The following TBX1 variants were observed in gnomAD, a reference collection of about 807,000 sequenced individuals.
The protein encoded by TBX1 is T-box transcription factor 1, also known as T-box transcription factor TBX1.
TBX1 carries 16 observed loss-of-function variants against 40.8 expected under a neutral mutation model. The observed-to-expected ratio is 0.39, with a 90% CI of 0.27 to 0.60. TBX1 has a LOEUF of 0.60. Ranked by LOEUF, TBX1 falls within the 20% of genes least tolerant of loss-of-function variation. TBX1 has a pLI of 0.51. For synonymous variants in TBX1, 403 were observed against 336.8 expected (o/e 1.20, Z -2.15); for missense variants, 755 against 728.5 (o/e 1.04, Z -0.42).
At chr22:19,774,526 C>T (rs941174565) in intron 8 of TBX1, among the ~76,000 whole-genome samples, 3 of 152,170 alleles carry the variant, frequency 2.0e-5, no homozygotes, top group Non-Finnish European at 4.4e-5. Context: ...CACCCATGTT[C>T]ATAGCAGCAT....
Position 19,766,451 on chromosome 22 carries a change from C to G in TBX1, c.1099C>G (p.Pro367Ala), listed in dbSNP as rs2145838185. ...DAGGPAVLGDPAHPPQLLARV... is the reference protein window; with the variant it reads ...DAGGPAVLGDAAHPPQLLARV... ...GGGCGGGCCAGCAGTGCTCGGGGACCCGGCGCATCCTCCGCAGCTGCTGGC... is the reference window on the plus strand; with the variant it reads ...GGGCGGGCCAGCAGTGCTCGGGGACGCGGCGCATCCTCCGCAGCTGCTGGC... The change falls in exon 7 of 7, where the codon CCG becomes GCG. Residue 367 changes from proline to alanine, a missense_variant. Physicochemically the swap from Pro to Ala is conservative, Grantham distance 27 (BLOSUM62 -1). Transcript: ENST00000649276. 1.5e-6 allele frequency: 2 copies of G among 1,332,278 alleles called. No individual in the cohort carries two copies. Among genetic ancestry groups the G allele is most frequent in the South Asian group, 1.8e-5 (1 of 56,522 alleles). The allele number at this position is 1,332,278 out of a possible 1,614,324, so 82.5% of individuals were successfully genotyped here.
downstream of TBX1, among the ~76,000 whole-genome samples, chr22:19,770,038 C>T (rs1936962650): frequency 6.6e-6 from 1 of 152,174 alleles, no homozygotes; most frequent in Non-Finnish European, 1.5e-5. Flanking sequence ...GGATAGGGGG[C>T]TCGTCCCACC....
At chr22:19,773,571 C>T (rs970588603) in intron 8 of TBX1, among the ~76,000 whole-genome samples, 3 of 152,228 alleles carry the variant, frequency 2.0e-5, no homozygotes, top group Non-Finnish European at 4.4e-5. Flanking sequence ...GCAGGCACCC[C>T]CTTCAGGAGA....
intron 8 of TBX1, among the ~76,000 whole-genome samples, chr22:19,778,945 A>T (rs1179075865): frequency 6.6e-6 from 1 of 152,104 alleles, no homozygotes; most frequent in Non-Finnish European, 1.5e-5. Flanking sequence ...AAAGTAGGTA[A>T]GGGGGAGATC....
At chr22:19,772,443 C>T (rs557645397) in intron 8 of TBX1, among the ~76,000 whole-genome samples, 1 of 152,138 alleles carries the variant, frequency 6.6e-6, no homozygotes, top group African/African-American at 2.4e-5. Flanking sequence ...TTAGCTGGGA[C>T]TACAGGCGTG....
Position 19,778,076 on chromosome 22 carries a change from A to G in TBX1, c.1010-1144A>G, listed in dbSNP as rs966582112. Reference sequence around the variant, plus strand: ...CACCCAACCAGGATTTATTACTCTTAACTAGTAAAACAGCACATTCCTGCT... The same window carrying G: ...CACCCAACCAGGATTTATTACTCTTGACTAGTAAAACAGCACATTCCTGCT... On this transcript the variant is annotated intron_variant, in intron 8 of 8. Coordinates refer to the TBX1 transcript ENST00000329705. Among the ~76,000 whole-genome samples the G allele has an allele frequency of 4.6e-5, 7 of 150,776 alleles. 1 individual carries two copies. The highest frequency in any genetic ancestry group is 1.3e-4 in the Admixed American group (2 of 15,120).
chr22:19,779,422 C>T (rs372837457), exon 9 of TBX1: 15 of 1,613,942 alleles, frequency 9.3e-6, no homozygotes, highest in South Asian at 3.3e-5. Flanking sequence ...TGAGGCCGGG[C>T]CATGGGCACA....
At chr22:19,776,278 CT>C (rs1341414550) in intron 8 of TBX1, among the ~76,000 whole-genome samples, 4 of 152,174 alleles carry the variant, frequency 2.6e-5, no homozygotes, top group Non-Finnish European at 5.9e-5. Context: ...TGCTCTATAG[CT>C]TTCCTTAGGA....
At chr22:19,757,289 G>A (rs1936508887), upstream of TBX1, among the ~76,000 whole-genome samples, 1 of 152,182 alleles carries the variant, frequency 6.6e-6, no homozygotes, top group South Asian at 2.1e-4. Flanking sequence ...CTGCCTGCAG[G>A]TCCTGCTCAG....
Position 19,766,760 on chromosome 22 carries a change from C to A in TBX1, c.1408C>A (p.Pro470Thr), listed in dbSNP as rs1332062744. 2.0e-6 allele frequency: 3 copies of A among 1,493,948 alleles called. No individual in the cohort carries two copies. The highest frequency in any genetic ancestry group is 2.6e-6 in the Non-Finnish European group (3 of 1,136,330). The allele number at this position is 1,493,948 out of a possible 1,614,324, so 92.5% of individuals were successfully genotyped here. A position where few individuals can be genotyped will look rare whatever the true frequency, so the allele number is the denominator to read the frequency against. The change falls in exon 7 of 7, where the codon CCA becomes ACA. Residue 470 changes from proline to threonine, a missense_variant. Pro to Thr is a conservative substitution (Grantham distance 38). Transcript: ENST00000649276. ...GCACCACCACCACCACCCCGTGAGT[C>A]CAGCCGCCGCGGCCGCCGCCGCCGC... ...HPHHHHHPVS[P>T]AAAAAAAAAA... is the part of the protein sequence containing the mutation.
intron 8 of TBX1, among the ~76,000 whole-genome samples, chr22:19,778,456 C>T (rs1463857075): frequency 3.5e-5 from 5 of 144,256 alleles, no homozygotes; most frequent in South Asian, 2.3e-4. Flanking sequence ...TTTTTTGAGA[C>T]GGAGTTTCGT....
At chr22:19,781,604 C>G (rs1937143583), downstream of TBX1, among the ~76,000 whole-genome samples, 1 of 152,008 alleles carries the variant, frequency 6.6e-6, no homozygotes, top group African/African-American at 2.4e-5. Flanking sequence ...CGTGTCATAT[C>G]CAAGAATTTA....
In TBX1 at chr22:19,766,783, C is replaced by T; in HGVS notation, c.1431C>T (p.Ala477=). 5 of 1,490,260 alleles carry T rather than the reference C, an allele frequency of 3.4e-6. No individual in the cohort carries two copies. Among genetic ancestry groups the T allele is most frequent in the Admixed American group, 2.5e-5 (1 of 39,582 alleles). 92.3% of individuals were successfully genotyped at this position (1,490,260 alleles called of 1,614,324 possible). A position where few individuals can be genotyped will look rare whatever the true frequency, so the allele number is the denominator to read the frequency against. Residue 477 remains alanine, a synonymous_variant, in exon 7 of 7, where the codon GCC becomes GCT. Coordinates refer to ENST00000649276, the MANE Select transcript of TBX1 (RefSeq NM_001379200.1). ...GTCCAGCCGCCGCGGCCGCCGCCGC[C>T]GCTGCCGCAGCTGCCGCGGCCGCCA... is the stretch of plus-strand genomic sequence containing the variant. ...PVSPAAAAAA[A]AAAAAAAANM... is the part of the protein sequence containing the mutation.
chr22:19,774,289 T>G (rs906284366), intron 8 of TBX1, among the ~76,000 whole-genome samples: 2 of 152,188 alleles, frequency 1.3e-5, no homozygotes, highest in African/African-American at 4.8e-5. Context: ...CCTAGGCACC[T>G]GTAGTCCCAG....
chr22:19,768,419 C>T (rs1266862255), downstream of TBX1, among the ~76,000 whole-genome samples: 2 of 152,176 alleles, frequency 1.3e-5, no homozygotes, highest in East Asian at 3.9e-4. Context: ...AGAGGCCAGT[C>T]TAGGGTGGGA....
downstream of TBX1, among the ~76,000 whole-genome samples, chr22:19,781,802 C>T (rs539614405): frequency 6.2e-4 from 94 of 152,264 alleles, no homozygotes; most frequent in Middle Eastern, 0.014. Flanking sequence ...ACAGTCTTTT[C>T]CCCCATTGAA....
chr22:19,762,861 G>C lies in TBX1; in HGVS notation c.438-380G>C, dbSNP rs60907299. ...GCCGGGAGCTGCTTCGATCAAGCTG[G>C]GGAGGCTCTGCTAAGGGCGCACGTT... On this transcript the variant is annotated intron_variant, in intron 1 of 6. Transcript: ENST00000649276. Among the ~76,000 whole-genome samples, 31 of 152,292 alleles carry C rather than the reference G, an allele frequency of 2.0e-4. 1 individual carries two copies. The highest frequency in any genetic ancestry group is 7.0e-4 in the African/African-American group (29 of 41,568).
At chr22:19,762,211 G>A (rs1936691125) in intron 1 of TBX1, among the ~76,000 whole-genome samples, 1 of 152,250 alleles carries the variant, frequency 6.6e-6, no homozygotes, top group South Asian at 2.1e-4. Context: ...CGCTGGCTCA[G>A]GCCAGCCCGG....
chr22:19,759,785 C>A, upstream of TBX1: 1 of 1,291,802 alleles, frequency 7.7e-7, no homozygotes, highest in Non-Finnish European at 1.1e-6. Flanking sequence ...GTAGCGTGGG[C>A]TCCAGGCTTC....
Sources: allele counts gnomAD v4.1 joint callset (sites outside exome capture counted in the v4.1 genomes callset), GRCh38; gene constraint gnomAD v4.1.1; transcripts MANE v1.5; gene names NCBI Gene and HGNC (gene_info 2026-07-23, HGNC 2026-07-21).